Variants in ACYP2 observed in about 807,000 individuals in gnomAD.
ACYP2 encodes acylphosphatase 2.
A neutral mutation model predicts 11.2 loss-of-function variants in ACYP2; 12 were observed. The ratio of observed to expected loss-of-function variants is 1.08; its 90% CI spans 0.69 to 1.74. The LOEUF is 1.74. Among genes scored for constraint, ACYP2 ranks in the 40% most tolerant of loss-of-function variants. ACYP2 has a pLI of 0.00. For missense variants in ACYP2, 134 were observed against 101.9 expected, an observed-to-expected ratio of 1.31 and a Z score of -1.35; for synonymous variants, 43 against 32.2, an observed-to-expected ratio of 1.33 and a Z score of -1.13.
intron 4 of ACYP2, among the ~76,000 whole-genome samples, chr2:54,070,209 G>T (rs1676960508): frequency 6.7e-6 from 1 of 149,928 alleles, no homozygotes; most frequent in African/African-American, 2.4e-5. Flanking sequence ...GTTGGAGGTT[G>T]TGGTGAGCCA....
chr2:54,186,654 C>T (rs780122971), intron 6 of ACYP2, among the ~76,000 whole-genome samples: 5 of 152,006 alleles, frequency 3.3e-5, no homozygotes, highest in Non-Finnish European at 5.9e-5. Context: ...GCTGGGATTA[C>T]AGGTGCCCGT....
At chr2:54,012,627 A>G (rs1673435475) in intron 2 of ACYP2, among the ~76,000 whole-genome samples, 1 of 151,952 alleles carries the variant, frequency 6.6e-6, no homozygotes, top group South Asian at 2.1e-4. Flanking sequence ...CAGTCACCAG[A>G]ATCTGGTGAC....
chr2:54,034,665 A>C (rs544921303), intron 2 of ACYP2, among the ~76,000 whole-genome samples: 4 of 152,214 alleles, frequency 2.6e-5, no homozygotes, highest in Admixed American at 6.5e-5. Flanking sequence ...GTATATTTAC[A>C]ACAGGGATAT....
chr2:54,175,366 C>T (rs933814378), intron 6 of ACYP2, among the ~76,000 whole-genome samples: 5 of 152,032 alleles, frequency 3.3e-5, no homozygotes, highest in Non-Finnish European at 5.9e-5. Flanking sequence ...TCTGTGGGAT[C>T]GGTGGTGATA....
intron 4 of ACYP2, among the ~76,000 whole-genome samples, chr2:54,096,390 G>A (rs1329591702): frequency 6.6e-6 from 1 of 151,060 alleles, no homozygotes; most frequent in African/African-American, 2.4e-5. Flanking sequence ...CCCAGACGAT[G>A]GATGGCCAGG....
At chr2:54,125,550 G>C (rs1019225124) in intron 4 of ACYP2, among the ~76,000 whole-genome samples, 15 of 151,304 alleles carry the variant, frequency 9.9e-5, no homozygotes, top group Non-Finnish European at 1.8e-4. Flanking sequence ...AGGAGTTTGA[G>C]ACCAGCCTGG....
At chr2:54,200,829 A>T (rs567885126) in intron 6 of ACYP2, among the ~76,000 whole-genome samples, 1 of 152,246 alleles carries the variant, frequency 6.6e-6, no homozygotes, top group South Asian at 2.1e-4. Context: ...AGGAACTGCC[A>T]GGCTGTTTTC....
intron 6 of ACYP2, among the ~76,000 whole-genome samples, chr2:54,251,362 T>G (rs1232412736): frequency 6.6e-6 from 1 of 152,136 alleles, no homozygotes; most frequent in Non-Finnish European, 1.5e-5. Context: ...ATAATGTGTT[T>G]TTTTTTGTTT....
At chr2:54,292,226 T>C (rs1159973635) in intron 6 of ACYP2, among the ~76,000 whole-genome samples, 1 of 152,100 alleles carries the variant, frequency 6.6e-6, no homozygotes, top group African/African-American at 2.4e-5. Context: ...ATAAAATTGA[T>C]TTTAGCCCTG....
chr2:54,238,453 A>T (rs1196476583), intron 6 of ACYP2, among the ~76,000 whole-genome samples: 4 of 152,290 alleles, frequency 2.6e-5, no homozygotes, highest in Non-Finnish European at 1.5e-5. Flanking sequence ...ACAGGAAGTA[A>T]AGAAAGTGGA....
chr2:54,057,397 T>A, intron 4 of ACYP2: 1 of 397,010 alleles, frequency 2.5e-6, no homozygotes, highest in Non-Finnish European at 4.4e-6. Context: ...TTAATGAATA[T>A]CTACCTTTTA....
intron 6 of ACYP2, among the ~76,000 whole-genome samples, chr2:54,195,970 G>C (rs915350219): frequency 2.0e-5 from 3 of 151,732 alleles, no homozygotes; most frequent in East Asian, 1.9e-4. Flanking sequence ...GCTAATTTTT[G>C]TATTTTTAGT....
chr2:53,979,518 T>C (rs1384470677), intron 2 of ACYP2, among the ~76,000 whole-genome samples: 3 of 151,382 alleles, frequency 2.0e-5, no homozygotes, highest in Non-Finnish European at 4.4e-5. Flanking sequence ...TCCCAGCTAC[T>C]GTGGAGGCTG....
chr2:54,010,266 C>T (rs1482367458), intron 2 of ACYP2, among the ~76,000 whole-genome samples: 5 of 152,152 alleles, frequency 3.3e-5, no homozygotes, highest in African/African-American at 1.2e-4. Flanking sequence ...GGTGGATCAC[C>T]TGAAGTCAGG....
At chr2:54,111,612 T>A (rs1679466587) in intron 4 of ACYP2, among the ~76,000 whole-genome samples, 1 of 152,260 alleles carries the variant, frequency 6.6e-6, no homozygotes, top group Admixed American at 6.5e-5. Flanking sequence ...AACCAGCTAC[T>A]TGCTCAGCTG....
chr2:54,282,104 A>C (rs371341291), intron 6 of ACYP2, among the ~76,000 whole-genome samples: 99 of 152,336 alleles, frequency 6.5e-4, no homozygotes, highest in African/African-American at 2.2e-3. Context: ...TGGTAGTGAA[A>C]TATATGTTAA....
chr2:54,262,464 A>G (rs1687821396), intron 6 of ACYP2, among the ~76,000 whole-genome samples: 1 of 152,240 alleles, frequency 6.6e-6, no homozygotes, highest in Non-Finnish European at 1.5e-5. Context: ...TTTAGATAAA[A>G]ATTTTTAAGT....
rs182012639 is a variant in ACYP2, at chr2:54,230,124, T to G, written c.405-74564T>G. ...TATATTTCCTTGTTATACCTTGAAATTGCCCTGCAAAGTTTCTTGTGGGAA... is the reference window on the plus strand; with the variant it reads ...TATATTTCCTTGTTATACCTTGAAAGTGCCCTGCAAAGTTTCTTGTGGGAA... On this transcript the variant is annotated intron_variant, in intron 6 of 6. Transcript: ENST00000607452. 3.9e-5 allele frequency among the ~76,000 whole-genome samples: 6 copies of G among 152,306 alleles called. No homozygotes were observed. In the East Asian group the frequency reaches 1.2e-3, roughly 29 times the overall value.
intron 2 of ACYP2, among the ~76,000 whole-genome samples, chr2:54,039,599 G>A (rs1675112275): frequency 1.3e-5 from 2 of 151,910 alleles, no homozygotes; most frequent in East Asian, 1.9e-4. Context: ...GCTAATTTTT[G>A]TATTTTTGGT....
Sources: gnomAD v4.1 joint callset for allele counts (sites outside exome capture counted in the v4.1 genomes callset) on GRCh38, gnomAD v4.1.1 for gene constraint, MANE v1.5 for transcripts, NCBI Gene and HGNC (gene_info 2026-07-23, HGNC 2026-07-21) for gene names.